STAG3: variants seen among roughly 807,000 people sequenced by gnomAD.
STAG3 encodes the protein STAG3 cohesin complex component.
A neutral mutation model predicts 160.7 loss-of-function variants in STAG3; 101 were observed. That is an observed-to-expected ratio of 0.63 (90% CI 0.54 to 0.74). The LOEUF (loss-of-function observed/expected upper bound fraction) is 0.74, where lower values mean the gene tolerates loss of function less well. Ranked by LOEUF, STAG3 falls within the 30% of genes least tolerant of loss-of-function variation. STAG3 has a pLI of 0.00. For synonymous variants in STAG3, 519 were observed against 585.0 expected (o/e 0.89, Z 1.63); for missense variants, 1,188 against 1,517.4 (o/e 0.78, Z 3.61).
At chr7:100,185,407 C>T (rs1799927965) in intron 4 of STAG3, among the ~76,000 whole-genome samples, 2 of 152,012 alleles carry the variant, frequency 1.3e-5, no homozygotes, top group South Asian at 2.1e-4. Context: ...TCAGCCTGGC[C>T]AATATGGTGA....
Position 100,213,779 on chromosome 7 carries a change from CTT to C in STAG3, c.3646_3647del (p.Leu1216ArgfsTer8). The C allele has an allele frequency of 1.2e-6, 2 of 1,614,242 alleles. No individual in the cohort carries two copies. The highest frequency in any genetic ancestry group is 1.7e-6 in the Non-Finnish European group (2 of 1,180,042). On this transcript the variant is annotated frameshift_variant, in exon 33 of 34. Transcript: ENST00000615138. LOFTEE classifies it high-confidence loss of function. The stretch of plus-strand genomic sequence containing the variant: ...CCACCAGTGAGCGCGGGCTGGACCT[CTT>C]AGATTCTACAGAGCTGGATATTGAG... ...SSTSERGLDL[L>X]DSTELDIEDF
At position 100,200,918 on chromosome 7, in the gene STAG3, A is replaced by C; in HGVS notation, c.2010A>C (p.Leu670=). The change falls in exon 19 of 34, where the codon CTA becomes CTC. Residue 670 remains leucine (L), a synonymous_variant. Transcript: ENST00000615138. ...FSRADFARSQ[L]VDLLTDRFQQ... ...GGGCGGACTTTGCCCGCAGCCAGCTAGTAGATTTGCTGACTGACCGCTTCC... is the reference window on the plus strand; with the variant it reads ...GGGCGGACTTTGCCCGCAGCCAGCTCGTAGATTTGCTGACTGACCGCTTCC... 1 of 1,614,198 alleles carries C rather than the reference A, an allele frequency of 6.2e-7. No homozygotes were observed. The highest frequency in any genetic ancestry group is 1.1e-5 in the South Asian group (1 of 91,086).
downstream of STAG3, chr7:100,215,083 G>A (rs549325007): frequency 2.6e-4 from 40 of 152,314 alleles, no homozygotes; most frequent in African/African-American, 8.9e-4. Flanking sequence ...TTGTCCCTCT[G>A]ACAAGCAGTA....
At chr7:100,191,704 A>G (rs1800355143) in intron 8 of STAG3, among the ~76,000 whole-genome samples, 2 of 152,170 alleles carry the variant, frequency 1.3e-5, no homozygotes, top group Non-Finnish European at 2.9e-5. Context: ...GTGGTTGCTG[A>G]AGGTTAGGGT....
chr7:100,182,428 C>T (rs573167362), intron 3 of STAG3, among the ~76,000 whole-genome samples: 50 of 149,732 alleles, frequency 3.3e-4, no homozygotes, highest in Non-Finnish European at 5.3e-4. Flanking sequence ...ACAAGATTTA[C>T]AAAGTATTAA....
chr7:100,201,329 AC>A lies in STAG3; in HGVS notation c.2199del (p.Asp733GlufsTer14). The A allele has an allele frequency of 6.2e-7, 1 of 1,614,090 alleles. No homozygotes were observed. The highest frequency in any genetic ancestry group is 8.5e-7 in the Non-Finnish European group (1 of 1,180,026). Reference sequence around the variant, plus strand: ...TGCCAACTCCTGCAGAAGGCTGTGGACACAGGAGAGGTTCCTCACCAGGTGA... The same window carrying A: ...TGCCAACTCCTGCAGAAGGCTGTGGAACAGGAGAGGTTCCTCACCAGGTGA... ...PCCQLLQKAV[D>X]TGEVPHQVIL... On this transcript the variant is annotated frameshift_variant, in exon 21 of 34. Transcript: ENST00000615138. LOFTEE classifies it high-confidence loss of function.
intron 3 of STAG3, 24 bp downstream of exon 3, chr7:100,182,216 T>G (rs779282242): frequency 6.4e-7 from 1 of 1,569,358 alleles, no homozygotes. Context: ...TTTTCTTTTG[T>G]TTTTGAATCT....
intron 8 of STAG3, among the ~76,000 whole-genome samples, chr7:100,193,128 G>T (rs2117200978): frequency 6.6e-6 from 1 of 152,288 alleles, no homozygotes; most frequent in South Asian, 2.1e-4. Flanking sequence ...GTAATATTTT[G>T]AAAGGAATCT....
intron 31 of STAG3, 125 bp from the exon 32 acceptor site, chr7:100,211,670 G>A: frequency 7.1e-7 from 1 of 1,401,232 alleles, no homozygotes; most frequent in Non-Finnish European, 9.9e-7. Flanking sequence ...CTTCCTGTCA[G>A]CACAATCGGG....
At chr7:100,190,311 T>G (rs1396530283) in intron 8 of STAG3, among the ~76,000 whole-genome samples, 2 of 152,232 alleles carry the variant, frequency 1.3e-5, no homozygotes, top group African/African-American at 4.8e-5. Context: ...CCTCACTCTC[T>G]GTTAGTGTCT....
intron 13 of STAG3, 117 bp from the exon 14 acceptor site, chr7:100,198,726 C>T: frequency 8.0e-7 from 1 of 1,246,536 alleles, no homozygotes; most frequent in Non-Finnish European, 1.2e-6. Flanking sequence ...TGGGGCTTTC[C>T]TTAGCTCTCA....
chr7:100,181,003 C>A, intron 2 of STAG3: 1 of 217,004 alleles, frequency 4.6e-6, no homozygotes, highest in Non-Finnish European at 9.4e-6. Flanking sequence ...TTTAATCCAT[C>A]ATCCATCTTG....
At chr7:100,188,659 G>A in intron 6 of STAG3, 130 bp downstream of exon 6, 1 of 1,110,036 alleles carries the variant, frequency 9.0e-7, no homozygotes, top group Admixed American at 1.8e-5. Context: ...GGGGGTAAAA[G>A]AGATCTGAAT....
Position 100,202,230 on chromosome 7 carries a change from G to A in STAG3, c.2453G>A (p.Gly818Asp). 1 of 1,614,084 alleles carries A rather than the reference G, an allele frequency of 6.2e-7. No homozygotes were observed. The highest frequency in any genetic ancestry group is 8.5e-7 in the Non-Finnish European group (1 of 1,180,024). ...LIFSPQMIVGGRDFLRPLVFF... is the reference protein window; with the variant it reads ...LIFSPQMIVGDRDFLRPLVFF... Reference sequence around the variant, plus strand: ...TTTAGCCCTCAGATGATTGTTGGGGGCCGTGATTTCCTTAGGCCACTTGTC... The same window carrying A: ...TTTAGCCCTCAGATGATTGTTGGGGACCGTGATTTCCTTAGGCCACTTGTC... The change falls in exon 24 of 34, where the codon GGC (glycine) becomes GAC (aspartate). Residue 818 changes from glycine to aspartate, a missense_variant. Coordinates refer to ENST00000615138, the MANE Select transcript of STAG3 (RefSeq NM_001282717.2).
Position 100,202,588 on chromosome 7 carries a change from A to G in STAG3, c.2698A>G (p.Lys900Glu). ...AASDVFKHYN[K>E]FYNDYGDIIK... is the part of the protein sequence containing the mutation. ...CTCAGATGTTTTCAAACACTACAAC[A>G]AGGTACACCAAGGCCCTACAGAAAT... Residue 900 changes from lysine to glutamate, a missense_variant and splice_region_variant, in exon 25 of 34, where the codon AAG becomes GAG. Lys to Glu is a moderately conservative substitution (Grantham distance 56). Coordinates refer to ENST00000615138, the MANE Select transcript of STAG3 (RefSeq NM_001282717.2). 6.2e-7 allele frequency: 1 copy of G among 1,612,570 alleles called. No individual in the cohort carries two copies. Among genetic ancestry groups the G allele is most frequent in the East Asian group, 2.2e-5 (1 of 44,866 alleles).
In STAG3 at chr7:100,182,740, G is replaced by A. The variant is rs1799730851; in HGVS notation, c.237G>A (p.Lys79=). The change falls in exon 4 of 34, where the codon AAG becomes AAA. Residue 79 remains lysine, a synonymous_variant. Transcript: ENST00000615138. ...CATATTAGGTGGCAAAACATCCAAA[G>A]AAAGGGTCCCGAGTGGTACATCGTC... ...PKTTPVAKHP[K]KGSRVVHRHS... 1.2e-6 allele frequency: 2 copies of A among 1,613,686 alleles called. No individual in the cohort carries two copies. The highest frequency in any genetic ancestry group is 1.7e-5 in the Admixed American group (1 of 59,946).
downstream of STAG3, chr7:100,218,622 TGA>T (rs746394498): frequency 3.2e-5 from 13 of 400,308 alleles, no homozygotes; most frequent in Non-Finnish European, 5.3e-5. Flanking sequence ...TTCAGATTAC[TGA>T]GAGTCTTCCG....
intron 22 of STAG3, 21 bp from the exon 23 acceptor site, chr7:100,201,928 T>C: frequency 6.2e-7 from 1 of 1,614,160 alleles, no homozygotes; most frequent in South Asian, 1.1e-5. Flanking sequence ...ATTCTTCCCC[T>C]TCAAGCCACT....
chr7:100,200,642 A>T (rs1801048212), intron 18 of STAG3, 100 bp downstream of exon 18: 1 of 1,538,558 alleles, frequency 6.5e-7, no homozygotes, highest in East Asian at 2.3e-5. Flanking sequence ...TTCCAGAAAA[A>T]TCAGCAAGCC....
Sources: allele counts gnomAD v4.1 joint callset (sites outside exome capture counted in the v4.1 genomes callset), GRCh38; gene constraint gnomAD v4.1.1; transcripts MANE v1.5; gene names NCBI Gene and HGNC (gene_info 2026-07-23, HGNC 2026-07-21).